Variants in ABCA9 observed in about 807,000 individuals in gnomAD.
The protein encoded by ABCA9 is ATP-binding cassette sub-family A member 9.
A neutral mutation model predicts 205.3 loss-of-function variants in ABCA9; 183 were observed. The observed-to-expected ratio is 0.89, with a 90% confidence interval of 0.79 to 1.01. The LOEUF (loss-of-function observed/expected upper bound fraction) is 1.01. ABCA9 is among the 50% of genes least tolerant of loss of function. The pLI, the probability that ABCA9 is intolerant of heterozygous loss-of-function variation, is 0.00. For synonymous variants in ABCA9, 651 were observed against 683.3 expected, an observed-to-expected ratio of 0.95 and a Z score of 0.74; for missense variants, 1,805 against 1,912.4, an observed-to-expected ratio of 0.94 and a Z score of 1.05.
At chr17:68,999,227 T>C (rs2069745501) in intron 25 of ABCA9, among the ~76,000 whole-genome samples, 1 of 145,114 alleles carries the variant, frequency 6.9e-6, no homozygotes, top group Admixed American at 6.9e-5. Context: ...CTGCACCCAC[T>C]AACTCGTCAT....
At chr17:68,987,872 C>G (rs1034144027) in intron 31 of ABCA9, among the ~76,000 whole-genome samples, 1 of 151,772 alleles carries the variant, frequency 6.6e-6, no homozygotes, top group South Asian at 2.1e-4. Flanking sequence ...TCAAGCAATT[C>G]TCCTGCCTCA....
intron 6 of ABCA9, among the ~76,000 whole-genome samples, chr17:69,036,871 C>CAAAAAAAAAAAAAA (rs781565554): frequency 2.1e-4 from 1 of 4,712 alleles, no homozygotes; most frequent in Admixed American, 4.1e-3. Context: ...AAATGGAAAG[C>CAAAAAAAAAAAAAA]AAAAAAAAAA....
rs1266827951 is a variant in ABCA9 at position 69,021,817 on chromosome 17, C to T, written c.2326G>A (p.Asp776Asn). Residue 776 changes from aspartate to asparagine, a missense_variant, in exon 18 of 39, where the codon GAT becomes AAT. Coordinates refer to ENST00000340001, the MANE Select transcript of ABCA9 (RefSeq NM_080283.4). ...LDRCSNQGIE[D>N]YGVSITTLNE... ...AAAGTTGTTATGGAAACACCATAAT[C>T]CTCAATGCCTTGGTTAGAACATCTA... 1.3e-6 allele frequency: 2 copies of T among 1,594,916 alleles called. No homozygotes were observed. The highest frequency in any genetic ancestry group is 1.7e-6 in the Non-Finnish European group (2 of 1,169,734).
At chr17:69,025,304 G>T (rs1218081638) in intron 16 of ABCA9, among the ~76,000 whole-genome samples, 3 of 152,160 alleles carry the variant, frequency 2.0e-5, no homozygotes, top group Admixed American at 6.6e-5. Context: ...GAGGATCAAA[G>T]AAGTTAATTA....
chr17:69,008,286 G>T, intron 23 of ABCA9, 51 bp from the exon 24 acceptor site: 2 of 1,533,382 alleles, frequency 1.3e-6, no homozygotes, highest in South Asian at 1.2e-5. Flanking sequence ...GCTGAAGTTT[G>T]GGAAATTGCA....
At position 68,992,250 on chromosome 17, in the gene ABCA9, A is replaced by T; in HGVS notation, c.3641T>A (p.Leu1214His). 1 of 1,593,036 alleles carries T rather than the reference A, an allele frequency of 6.3e-7. No individual in the cohort carries two copies. The highest frequency in any genetic ancestry group is 1.2e-5 in the South Asian group (1 of 86,786). ...LALLIPYLHF[L>H]IFLFILRCLE... is the part of the protein sequence containing the mutation. ...GCATCGCAGAATGAAAAGAAAAATG[A>T]GAAAATGAAGGTAAGGCTAGGGAAA... is the stretch of plus-strand genomic sequence containing the variant. Residue 1214 changes from leucine (L) to histidine (H), a missense_variant, in exon 28 of 39, where the codon CTC becomes CAC. By Grantham distance (99) the Leu-to-His change is moderately conservative (BLOSUM62 -3). Coordinates refer to ENST00000340001, the MANE Select transcript of ABCA9 (RefSeq NM_080283.4).
chr17:68,994,919 C>T (rs1465338274), intron 26 of ABCA9, among the ~76,000 whole-genome samples: 1 of 152,144 alleles, frequency 6.6e-6, no homozygotes, highest in Non-Finnish European at 1.5e-5. Flanking sequence ...ATCTACCCTC[C>T]CTATTCATTT....
chr17:69,033,241 A>T (rs554998019), intron 9 of ABCA9: 2 of 124,748 alleles, frequency 1.6e-5, no homozygotes, highest in Admixed American at 2.2e-4. Flanking sequence ...CGGGAGGCAG[A>T]GGTTGCAGTG....
At chr17:68,980,239 C>A (rs2069005383) in intron 37 of ABCA9, among the ~76,000 whole-genome samples, 1 of 151,990 alleles carries the variant, frequency 6.6e-6, no homozygotes, top group African/African-American at 2.4e-5. Flanking sequence ...AATGAGATAC[C>A]ATCTCACACC....
chr17:69,007,914 C>T, intron 24 of ABCA9, 42 bp from the exon 25 acceptor site: 4 of 1,455,022 alleles, frequency 2.7e-6, no homozygotes, highest in Non-Finnish European at 3.8e-6. Flanking sequence ...TAAATACTAT[C>T]TAGAAGAGTA....
intron 28 of ABCA9, among the ~76,000 whole-genome samples, chr17:68,991,372 G>C (rs1178594320): frequency 6.6e-6 from 1 of 152,160 alleles, no homozygotes; most frequent in Non-Finnish European, 1.5e-5. Context: ...ATGTGTCCCA[G>C]AGAATCCAGG....
At chr17:68,989,256 T>TCTCTCTCTCACA (rs138281321) in intron 30 of ABCA9, 138 bp from the exon 31 acceptor site, 5 of 243,096 alleles carry the variant, frequency 2.1e-5, no homozygotes, top group South Asian at 7.7e-5. Context: ...TCTCTCTCTC[T>TCTCTCTCTCACA]CACACACACA....
intron 16 of ABCA9, 87 bp from the exon 17 acceptor site, chr17:69,024,440 TATTAATATTTATGAGACAAAAAAA>T: frequency 7.8e-7 from 1 of 1,285,968 alleles, no homozygotes; most frequent in Non-Finnish European, 1.0e-6. Context: ...CTTGTCACTT[TATTAATATTTATGAGACAAAAAAA>T]TGTGTAGTTT....
At chr17:69,013,738 A>G (rs2070472592) in intron 22 of ABCA9, among the ~76,000 whole-genome samples, 1 of 152,058 alleles carries the variant, frequency 6.6e-6, no homozygotes, top group South Asian at 2.1e-4. Context: ...ACTTGCAGGA[A>G]TGGCTGGATG....
chr17:69,064,927 T>G (rs2144573065), upstream of ABCA9, among the ~76,000 whole-genome samples: 1 of 152,334 alleles, frequency 6.6e-6, no homozygotes, highest in East Asian at 1.9e-4. Flanking sequence ...TGTCATTCCA[T>G]TATTGTTTTC....
intron 25 of ABCA9, among the ~76,000 whole-genome samples, chr17:69,005,098 G>C (rs2144151854): frequency 6.6e-6 from 1 of 152,308 alleles, no homozygotes; most frequent in Non-Finnish European, 1.5e-5. Flanking sequence ...CGCTCAGGCT[G>C]GGAGCTGTAG....
chr17:68,998,835 T>C lies in ABCA9; in HGVS notation c.3436-2821A>G, dbSNP rs192833781. ...TGTTTATGTGGATCTAAAATTTCTT[T>C]TTTTTTTGTATTCAAGATGTTTTAT... On this transcript the variant is annotated intron_variant, in intron 25 of 38. Transcript: ENST00000340001. Among the ~76,000 whole-genome samples the C allele has an allele frequency of 3.5e-3, 528 of 151,932 alleles. 2 individuals are homozygous for C. The highest frequency in any genetic ancestry group is 0.011 in the African/African-American group (465 of 41,534).
At chr17:69,072,547 G>A in the ABCA9 span, among the ~76,000 whole-genome samples, 1 of 151,976 alleles carries the variant, frequency 6.6e-6, no homozygotes, top group South Asian at 2.1e-4. Flanking sequence ...AGCAAATGCT[G>A]AGGGATTTTG....
chr17:69,037,767 A>G (rs561659114), intron 6 of ABCA9, among the ~76,000 whole-genome samples: 82 of 152,278 alleles, frequency 5.4e-4, no homozygotes, highest in South Asian at 1.2e-3. Flanking sequence ...AAAAAAATCA[A>G]TGAATCCAGG....
Sources: allele counts gnomAD v4.1 joint callset (sites outside exome capture counted in the v4.1 genomes callset), GRCh38; gene constraint gnomAD v4.1.1; transcripts MANE v1.5; gene names NCBI Gene and HGNC (gene_info 2026-07-23, HGNC 2026-07-21).